MXRA5: variants seen among roughly 807,000 people sequenced by gnomAD.
MXRA5 encodes matrix remodeling associated 5.
In MXRA5, 41 loss-of-function variants were observed where a neutral mutation model predicts 112.5. That is an observed-to-expected ratio of 0.36 (90% CI 0.28 to 0.47). MXRA5 has a LOEUF of 0.47. Ranked by LOEUF, MXRA5 falls within the 20% of genes least tolerant of loss-of-function variation. The pLI is 0.99. For synonymous variants in MXRA5, 862 were observed against 900.8 expected (o/e 0.96, Z 0.77); for missense variants, 2,150 against 2,251.0 (o/e 0.96, Z 0.91).
intron 2 of MXRA5, among the ~76,000 whole-genome samples, chrX:3,339,171 G>A (rs893228182): frequency 9.0e-5 from 10 of 111,448 alleles, no homozygotes; most frequent in African/African-American, 3.3e-4. Context: ...CTTTCAGGAA[G>A]GCACCCAAAG....
Position 3,337,640 on chromosome X carries a change from G to A in MXRA5, c.188+6006C>T, listed in dbSNP as rs1030158292. 1.1e-4 allele frequency among the ~76,000 whole-genome samples: 12 copies of A among 111,982 alleles called. 1 individual carries two copies. Among genetic ancestry groups the A allele is most frequent in the Admixed American group, 8.6e-4 (9 of 10,462 alleles). On this transcript the variant is annotated intron_variant, in intron 2 of 6. Transcript: ENST00000217939. ...TCTATTCATCCATGAACTGAAGTAT[G>A]TGTTAAAACAGCAATGTTGGCCACT...
At chrX:3,334,952 C>T (rs769791106) in intron 2 of MXRA5, among the ~76,000 whole-genome samples, 4 of 111,560 alleles carry the variant, frequency 3.6e-5, no homozygotes, top group Admixed American at 9.5e-5. Context: ...CTCAGTTAAT[C>T]GTCCCTGAAT....
chrX:3,343,700 G>A lies in MXRA5; in HGVS notation c.134C>T (p.Ser45Phe). 8.3e-7 allele frequency: 1 copy of A among 1,211,955 alleles called. No individual in the cohort carries two copies. Among genetic ancestry groups the A allele is most frequent in the Non-Finnish European group, 1.1e-6 (1 of 895,550 alleles). Residue 45 changes from serine (S) to phenylalanine (F), a missense_variant, in exon 2 of 7, where the codon TCC becomes TTC. By Grantham distance (155) the Ser-to-Phe change is radical. Transcript: ENST00000217939. ...AATGCCAGCGGGCACGGAAGCCAGG[G>A]ATCGGAACGTGCAGTGGACCTCGCT... ...VPSEVHCTFR[S>F]LASVPAGIAK...
At chrX:3,338,864 G>C (rs941055706) in intron 2 of MXRA5, among the ~76,000 whole-genome samples, 1 of 110,243 alleles carries the variant, frequency 9.1e-6, no homozygotes, top group Non-Finnish European at 1.9e-5. Context: ...GATAGATATA[G>C]ACAGGTAGAG....
chrX:3,318,360 T>C (rs1311686485), intron 5 of MXRA5, among the ~76,000 whole-genome samples: 6 of 111,140 alleles, frequency 5.4e-5, no homozygotes, highest in Non-Finnish European at 3.8e-5. Flanking sequence ...TTGCCCAGGC[T>C]GGTCTTGAAC....
intron 2 of MXRA5, among the ~76,000 whole-genome samples, chrX:3,333,302 C>CAAAA (rs386416494): frequency 0.044 from 655 of 14,796 alleles, 53 homozygotes; most frequent in Middle Eastern, 0.083. Flanking sequence ...TACCCCATAT[C>CAAAA]AAAAAAAAAA....
chrX:3,337,294 C>G (rs932636695), intron 2 of MXRA5, among the ~76,000 whole-genome samples: 6 of 112,030 alleles, frequency 5.4e-5, no homozygotes, highest in African/African-American at 9.7e-5. Context: ...TTAGACTCAC[C>G]AAGCTTGCCC....
chrX:3,317,413 G>T lies in MXRA5; in HGVS notation c.6268C>A (p.Arg2090Ser). The stretch of plus-strand genomic sequence containing the variant: ...TTCCCGTGGAGGAACTGCGAGGGGC[G>T]GATCTGGGTACCGTCCCCGAGCACC... ...RWVLGDGTQI[R>S]PSQFLHGNLF... is the part of the protein sequence containing the mutation. Residue 2090 changes from arginine to serine, a missense_variant, in exon 6 of 7, where the codon CGC (arginine) becomes AGC (serine). Coordinates refer to ENST00000217939, the MANE Select transcript of MXRA5 (RefSeq NM_015419.4). 8.3e-7 allele frequency: 1 copy of T among 1,204,026 alleles called. No individual in the cohort carries two copies. Among genetic ancestry groups the T allele is most frequent in the Non-Finnish European group, 1.1e-6 (1 of 892,062 alleles).
intron 4 of MXRA5, among the ~76,000 whole-genome samples, chrX:3,325,210 C>T (rs1921428904): frequency 9.0e-6 from 1 of 111,229 alleles, no homozygotes; most frequent in Admixed American, 9.7e-5. Context: ...ATAATTTTTA[C>T]TTAAAAATGT....
intron 2 of MXRA5, among the ~76,000 whole-genome samples, chrX:3,337,355 T>A (rs1240988795): frequency 8.9e-6 from 1 of 112,084 alleles, no homozygotes; most frequent in Non-Finnish European, 1.9e-5. Context: ...ATGCTCAACA[T>A]CCTGTAATGC....
Position 3,315,533 on chromosome X carries a change from T to A in MXRA5, c.6578+1570A>T, listed in dbSNP as rs139160391. On this transcript the variant is annotated intron_variant, in intron 6 of 6. Coordinates refer to ENST00000217939, the MANE Select transcript of MXRA5 (RefSeq NM_015419.4). Reference sequence around the variant, plus strand: ...GTGCACTGCAGGGTGTTGAGCACCGTCCCTGGCCTCCACCCACCAGATACC... The same window carrying A: ...GTGCACTGCAGGGTGTTGAGCACCGACCCTGGCCTCCACCCACCAGATACC... 6.7e-4 allele frequency among the ~76,000 whole-genome samples: 73 copies of A among 108,818 alleles called. No individual in the cohort carries two copies. In the East Asian group the frequency reaches 0.019, roughly 28 times the overall value. The allele number at this position is 108,818 out of a possible 115,157, so 94.5% of individuals were successfully genotyped here. A position where few individuals can be genotyped will look rare whatever the true frequency, so the allele number is the denominator to read the frequency against.
intron 4 of MXRA5, among the ~76,000 whole-genome samples, chrX:3,326,185 A>ATAATTAT: frequency 1.0e-5 from 1 of 98,622 alleles, no homozygotes; most frequent in Non-Finnish European, 2.0e-5. Context: ...TATATAATTT[A>ATAATTAT]TAATTATAAG....
Position 3,324,775 on chromosome X carries a change from T to G in MXRA5, c.910A>C (p.Ser304Arg), listed in dbSNP as rs1921415577. Residue 304 changes from serine (S) to arginine (R), a missense_variant, in exon 5 of 7, where the codon AGC (serine) becomes CGC (arginine). This residue lies in a region of MXRA5 where 386 missense variants were observed against 411.0 expected (regional missense o/e 0.94). Coordinates refer to ENST00000217939, the MANE Select transcript of MXRA5 (RefSeq NM_015419.4). The part of the protein sequence containing the change: ...EEQEQEEDGG[S>R]QLILEKFQLP... The stretch of plus-strand genomic sequence containing the variant: ...TGGAATTTCTCCAGGATGAGCTGGC[T>G]GCCACCATCCTCTTCCTGTTCTTGC... 2 of 1,210,418 alleles carry G rather than the reference T, an allele frequency of 1.7e-6. No individual in the cohort carries two copies. Among genetic ancestry groups the G allele is most frequent in the Non-Finnish European group, 2.2e-6 (2 of 894,612 alleles).
In MXRA5 at chrX:3,309,386, T is replaced by G; in HGVS notation, c.*330A>C. On this transcript the variant is annotated 3_prime_UTR_variant, in exon 7 of 7. Transcript: ENST00000217939. ...ATGGCTTATTTTTGATGAATGTTCCTCAGATATCCTATGGACGCTTATGAA... is the reference window on the plus strand; with the variant it reads ...ATGGCTTATTTTTGATGAATGTTCCGCAGATATCCTATGGACGCTTATGAA... 1 of 237,434 alleles carries G rather than the reference T, an allele frequency of 4.2e-6. No individual in the cohort carries two copies. The highest frequency in any genetic ancestry group is 6.2e-5 in the Admixed American group (1 of 16,226). 19.6% of individuals were successfully genotyped at this position (237,434 alleles called of 1,213,427 possible).
Position 3,317,122 on chromosome X carries a change from T to C in MXRA5, c.6559A>G (p.Met2187Val). 9 of 1,176,669 alleles carry C rather than the reference T, an allele frequency of 7.6e-6. No individual in the cohort carries two copies. The highest frequency in any genetic ancestry group is 1.0e-5 in the Non-Finnish European group (9 of 876,733). Residue 2187 changes from methionine (M) to valine (V), a missense_variant, in exon 6 of 7, where the codon ATG becomes GTG. By Grantham distance (21) the Met-to-Val change is conservative (BLOSUM62 1). Around this residue, in one of 6 missense-constraint regions of MXRA5, gnomAD observed 1,485 missense variants for 1,471.6 expected, o/e 1.01. Coordinates refer to ENST00000217939, the MANE Select transcript of MXRA5 (RefSeq NM_015419.4). Reference protein sequence around the residue: ...RILWRLPSKRMIDALFSFDSR... With the variant: ...RILWRLPSKRVIDALFSFDSR... ...GCCTACCTGAAGAGCGCGTCGATCA[T>C]CCTCTTGGACGGCAGCCTCCAGAGG...
At position 3,310,659 on chromosome X, in the gene MXRA5, T is replaced by C; in HGVS notation, c.7544A>G (p.Gln2515Arg). The change falls in exon 7 of 7, where the codon CAG (glutamine) becomes CGG (arginine). Residue 2515 changes from glutamine (Q) to arginine (R), a missense_variant. Transcript: ENST00000217939. Reference protein sequence around the residue: ...IRSLRKSDSVQLVCMARNEGG... With the variant: ...IRSLRKSDSVRLVCMARNEGG... Reference sequence around the variant, plus strand: ...CTCGTTGCGTGCCATGCATACCAGCTGGACGGAGTCGCTCTTCCTCAAACT... The same window carrying C: ...CTCGTTGCGTGCCATGCATACCAGCCGGACGGAGTCGCTCTTCCTCAAACT... 3.5e-6 allele frequency: 4 copies of C among 1,130,175 alleles called. No individual in the cohort carries two copies. The highest frequency in any genetic ancestry group is 4.8e-6 in the Non-Finnish European group (4 of 838,019). 93.1% of individuals were successfully genotyped at this position (1,130,175 alleles called of 1,213,427 possible). A position where few individuals can be genotyped will look rare whatever the true frequency, so the allele number is the denominator to read the frequency against.
chrX:3,330,208 C>A lies in MXRA5; in HGVS notation c.519G>T (p.Thr173=). The change falls in exon 4 of 7, where the codon ACG becomes ACT. Residue 173 remains threonine (T), a synonymous_variant. Transcript: ENST00000217939. ...GTCTGAAATAATCCAAAAATGTGAA[C>A]GTGGAGAAGGTGCTGGGGTGCAGCT... ...LHQLHPSTFS[T]FTFLDYFRLS... 1.7e-6 allele frequency: 2 copies of A among 1,209,636 alleles called. No homozygotes were observed. The highest frequency in any genetic ancestry group is 2.2e-6 in the Non-Finnish European group (2 of 894,517).
chrX:3,341,191 A>ATTATAT (rs1921940863), intron 2 of MXRA5, among the ~76,000 whole-genome samples: 2 of 52,721 alleles, frequency 3.8e-5, no homozygotes, highest in Non-Finnish European at 6.3e-5. Flanking sequence ...TATAATATAT[A>ATTATAT]ATTATTATAT....
Position 3,323,232 on chromosome X carries a change from G to A in MXRA5, c.2453C>T (p.Thr818Ile), listed in dbSNP as rs1225215720. The stretch of plus-strand genomic sequence containing the variant: ...GGGAGAAATAGCAGGAAAAGGTGGT[G>A]TGACTTCTAGACTCAAGGATGGAGG... ...TSPPSLSLEV[T>I]PPFPAISPPS... The change falls in exon 5 of 7, where the codon ACA becomes ATA. Residue 818 changes from threonine to isoleucine, a missense_variant. Thr to Ile is a moderately conservative substitution (Grantham distance 89). Transcript: ENST00000217939. 2 of 1,209,153 alleles carry A rather than the reference G, an allele frequency of 1.7e-6. No homozygotes were observed. Among genetic ancestry groups the A allele is most frequent in the Admixed American group, 2.2e-5 (1 of 45,607 alleles).
Sources: gnomAD v4.1 joint callset for allele counts (sites outside exome capture counted in the v4.1 genomes callset) on GRCh38, gnomAD v4.1.1 for gene constraint, gnomAD v4.1.1 regional missense constraint, MANE v1.5 for transcripts, NCBI Gene and HGNC (gene_info 2026-07-23, HGNC 2026-07-21) for gene names.